The following BCL7A variants were observed in gnomAD, a reference collection of about 807,000 sequenced individuals.
The protein encoded by BCL7A is B-cell CLL/lymphoma 7 protein family member A.
Under a neutral mutation model 28.4 loss-of-function variants are expected in BCL7A, and 11 were observed. The observed-to-expected ratio is 0.39, with a 90% CI of 0.24 to 0.64. BCL7A has a LOEUF of 0.64. BCL7A is among the 30% of genes least tolerant of loss of function. The pLI is 0.50. For missense variants in BCL7A, 222 were observed against 274.8 expected, an observed-to-expected ratio of 0.81 and a Z score of 1.36; for synonymous variants, 123 against 103.3, an observed-to-expected ratio of 1.19 and a Z score of -1.15.
Position 122,024,007 on chromosome 12 carries a change from C to T in BCL7A, c.92+1824C>T, listed in dbSNP as rs143421791. 2.6e-5 allele frequency among the ~76,000 whole-genome samples: 4 copies of T among 152,232 alleles called. No homozygotes were observed. In the East Asian group the frequency reaches 5.9e-4, roughly 22 times the overall value. On this transcript the variant is annotated intron_variant, in intron 1 of 5. Transcript: ENST00000261822. ...GACAGAGGCTCCTGCACCCTGACAG[C>T]TGCTCCCGCAGAGCGGCCAGCTGCT...
intron 5 of BCL7A, among the ~76,000 whole-genome samples, chr12:122,058,791 G>A (rs1951895686): frequency 6.6e-6 from 1 of 152,210 alleles, no homozygotes; most frequent in Admixed American, 6.5e-5. Context: ...GGAGAGCCTA[G>A]GGTCCAAGGC....
At position 122,055,975 on chromosome 12, in the gene BCL7A, G is replaced by A. The variant is rs1427910532; in HGVS notation, c.561+1049G>A. ...TCCCTTTCCAGAACCTCACCCCATG[G>A]AACCCCCTCCACATGCCCTAGCTCT... On this transcript the variant is annotated intron_variant, in intron 5 of 5. Coordinates refer to ENST00000261822, the MANE Select transcript of BCL7A (RefSeq NM_001024808.3). Among the ~76,000 whole-genome samples, 29 of 152,108 alleles carry A rather than the reference G, an allele frequency of 1.9e-4. 1 individual carries two copies.
rs961490453 is a variant in BCL7A at position 122,054,860 on chromosome 12, A to G, written c.495A>G (p.Ser165=). ...QSSMEHSMNS[S]EKVDRQPSGD... is the part of the protein sequence containing the mutation. ...CGATGGAACATTCGATGAACAGCTCAGAGAAAGTAGATCGGCAGCCGTCTG... is the reference window on the plus strand; with the variant it reads ...CGATGGAACATTCGATGAACAGCTCGGAGAAAGTAGATCGGCAGCCGTCTG... The change falls in exon 5 of 6, where the codon TCA becomes TCG. Residue 165 remains serine (S), a synonymous_variant. Coordinates refer to ENST00000261822, the MANE Select transcript of BCL7A (RefSeq NM_001024808.3). The G allele has an allele frequency of 1.9e-6, 3 of 1,614,218 alleles. No homozygotes were observed. Among genetic ancestry groups the G allele is most frequent in the Non-Finnish European group, 2.5e-6 (3 of 1,180,036 alleles).
intron 3 of BCL7A, among the ~76,000 whole-genome samples, chr12:122,041,687 C>G (rs1296932649): frequency 6.6e-6 from 1 of 152,124 alleles, no homozygotes; most frequent in Non-Finnish European, 1.5e-5. Flanking sequence ...TGGCTTGAGC[C>G]TAGGAGTTCG....
At chr12:122,034,777 A>G (rs1420874613) in intron 2 of BCL7A, among the ~76,000 whole-genome samples, 1 of 151,642 alleles carries the variant, frequency 6.6e-6, no homozygotes, top group East Asian at 1.9e-4. Flanking sequence ...TGGCACGAAA[A>G]GCATCCCCAT....
intron 3 of BCL7A, 61 bp downstream of exon 3, chr12:122,035,488 G>A: frequency 6.8e-7 from 1 of 1,472,570 alleles, no homozygotes; most frequent in Non-Finnish European, 9.4e-7. Context: ...CAAGCACTCG[G>A]TCATGTTTTT....
chr12:122,035,109 C>T (rs1883823530), intron 2 of BCL7A, among the ~76,000 whole-genome samples: 1 of 152,174 alleles, frequency 6.6e-6, no homozygotes, highest in African/African-American at 2.4e-5. Context: ...GCCTCAGAAC[C>T]CTCCCCACTG....
intron 4 of BCL7A, among the ~76,000 whole-genome samples, chr12:122,045,489 G>C (rs552009185): frequency 6.6e-6 from 1 of 152,106 alleles, no homozygotes; most frequent in Non-Finnish European, 1.5e-5. Context: ...ATGGTAAGAC[G>C]GGAGCCACTG....
chr12:122,035,739 G>A (rs924541331), intron 3 of BCL7A, among the ~76,000 whole-genome samples: 4 of 152,190 alleles, frequency 2.6e-5, no homozygotes, highest in Non-Finnish European at 5.9e-5. Flanking sequence ...GATTGTTTGG[G>A]CGTATGTTTC....
chr12:122,054,635 T>C (rs1263625363), intron 4 of BCL7A, among the ~76,000 whole-genome samples, 170 bp from the exon 5 acceptor site: 1 of 152,138 alleles, frequency 6.6e-6, no homozygotes, highest in Non-Finnish European at 1.5e-5. Context: ...ACAGCGCCAC[T>C]GAAAAATCAA....
At chr12:122,031,759 G>A (rs1883750899) in intron 2 of BCL7A, among the ~76,000 whole-genome samples, 1 of 152,156 alleles carries the variant, frequency 6.6e-6, no homozygotes, top group African/African-American at 2.4e-5. Flanking sequence ...GGCTCCAGGA[G>A]GGGTGGCGCC....
intron 4 of BCL7A, among the ~76,000 whole-genome samples, chr12:122,047,529 AAAAAAAAG>A (rs1209306779): frequency 3.3e-5 from 5 of 151,704 alleles, no homozygotes; most frequent in Non-Finnish European, 5.9e-5. Flanking sequence ...GTCTCAGAAA[AAAAAAAAG>A]AAAAAAAGAA....
intron 4 of BCL7A, among the ~76,000 whole-genome samples, chr12:122,046,741 T>C (rs1489175197): frequency 6.6e-6 from 1 of 152,162 alleles, no homozygotes; most frequent in Non-Finnish European, 1.5e-5. Context: ...GCTTTGACAA[T>C]ACCGGGCCTG....
chr12:122,044,536 C>G (rs776777486), intron 4 of BCL7A, among the ~76,000 whole-genome samples: 20 of 150,668 alleles, frequency 1.3e-4, no homozygotes, highest in Non-Finnish European at 2.2e-4. Flanking sequence ...AAAAATCAAA[C>G]AATTGGCCAG....
At chr12:122,031,504 T>C (rs1172915377) in intron 2 of BCL7A, among the ~76,000 whole-genome samples, 1 of 152,210 alleles carries the variant, frequency 6.6e-6, no homozygotes, top group African/African-American at 2.4e-5. Flanking sequence ...TCTCCGTTAT[T>C]TTTCCTACTC....
Position 122,034,008 on chromosome 12 carries a change from C to A in BCL7A, c.175-1323C>A, listed in dbSNP as rs555815722. Among the ~76,000 whole-genome samples the A allele has an allele frequency of 3.5e-4, 53 of 151,664 alleles. 1 individual carries two copies. The South Asian group carries it at 0.011, about 31-fold the overall frequency. On this transcript the variant is annotated intron_variant, in intron 2 of 5. Transcript: ENST00000261822. ...GCCTCTCATCCCTGCATGCACCCCC[C>A]ATCCCCACCCCAGTTCTCGCCCCTG...
rs756158547 is a variant in BCL7A, at chr12:122,043,960, G to A, written c.346G>A (p.Ala116Thr). ...GGAGAACAGCAGCAACTCCAGCCCC[G>A]CTCCAGAGCCCAACTCGGCTGTGCC... is the stretch of plus-strand genomic sequence containing the variant. Reference protein sequence around the residue: ...KQENSSNSSPAPEPNSAVPSD... With the variant: ...KQENSSNSSPTPEPNSAVPSD... Residue 116 changes from alanine to threonine, a missense_variant, in exon 4 of 6, where the codon GCT (alanine) becomes ACT (threonine). Coordinates refer to ENST00000261822, the MANE Select transcript of BCL7A (RefSeq NM_001024808.3). The A allele has an allele frequency of 2.7e-5, 43 of 1,613,774 alleles. No individual in the cohort carries two copies. The highest frequency in any genetic ancestry group is 2.0e-4 in the South Asian group (18 of 91,082).
chr12:122,038,841 TA>T (rs1565938180), intron 3 of BCL7A, among the ~76,000 whole-genome samples: 1 of 152,160 alleles, frequency 6.6e-6, no homozygotes, highest in Non-Finnish European at 1.5e-5. Flanking sequence ...GCCTACTTCA[TA>T]AACTCACTGT....
rs1883825762 is a variant in BCL7A at position 122,035,221 on chromosome 12, C to T, written c.175-110C>T. The T allele has an allele frequency of 2.0e-5, 20 of 996,660 alleles. No individual in the cohort carries two copies. In the South Asian group the frequency reaches 2.9e-4, roughly 14 times the overall value. 61.7% of individuals were successfully genotyped at this position (996,660 alleles called of 1,614,324 possible). On this transcript the variant is annotated intron_variant, in intron 2 of 5. Transcript: ENST00000261822. ...AAAACCTCCAGAGGCCTGGGGGCTC[C>T]AGGAGGCTTCAATGGAATAAAATAT...
Sources: allele counts gnomAD v4.1 joint callset (sites outside exome capture counted in the v4.1 genomes callset), GRCh38; gene constraint gnomAD v4.1.1; transcripts MANE v1.5; gene names NCBI Gene and HGNC (gene_info 2026-07-23, HGNC 2026-07-21).